TPST2: variants seen among roughly 807,000 people sequenced by gnomAD.
TPST2 encodes protein-tyrosine sulfotransferase 2.
TPST2 carries 16 observed loss-of-function variants against 27.8 expected under a neutral mutation model. That is an observed-to-expected ratio of 0.58 (90% confidence interval 0.39 to 0.88). The LOEUF (loss-of-function observed/expected upper bound fraction) is 0.88, where lower values mean the gene tolerates loss of function less well. Ranked by LOEUF, TPST2 falls within the 40% of genes least tolerant of loss-of-function variation. The pLI is 0.00. For synonymous variants in TPST2, 229 were observed against 231.7 expected, an observed-to-expected ratio of 0.99 and a Z score of 0.10; for missense variants, 464 against 543.1, an observed-to-expected ratio of 0.85 and a Z score of 1.45.
At chr22:26,551,013 G>A (rs767586820) in intron 1 of TPST2, among the ~76,000 whole-genome samples, 14 of 152,352 alleles carry the variant, frequency 9.2e-5, no homozygotes, top group African/African-American at 2.4e-4. Context: ...AGTGGCTCAC[G>A]CCAGGCATGG....
At chr22:26,587,674 T>G (rs1354041871) in intron 1 of TPST2, among the ~76,000 whole-genome samples, 1 of 152,046 alleles carries the variant, frequency 6.6e-6, no homozygotes, top group Non-Finnish European at 1.5e-5. Flanking sequence ...TCAAAGCCAG[T>G]GATTTCAAGG....
In TPST2 at chr22:26,541,121, C is replaced by A. The variant is rs5761587; in HGVS notation, c.510G>T (p.Ser170=). The A allele has an allele frequency of 0.084, 135,302 of 1,607,462 alleles. 6,393 individuals carry two copies. Among genetic ancestry groups the A allele is most frequent in the Non-Finnish European group, 0.096 (112,792 of 1,175,340 alleles). ...GGAACTTGGAGTTGGGGAACAGGCG[C>A]GACAGGTAGACCGAGGACTTGAGCG... The part of the protein sequence containing the change: ...PFTLKSSVYL[S]RLFPNSKFLL... The change falls in exon 3 of 7, where the codon TCG becomes TCT. Residue 170 remains serine, a synonymous_variant. Transcript: ENST00000338754. The surrounding 1 kb of genome is among the most constrained non-coding windows in gnomAD (Gnocchi z 5.9).
chr22:26,563,869 C>T (rs780377279), intron 1 of TPST2, among the ~76,000 whole-genome samples: 1 of 152,174 alleles, frequency 6.6e-6, no homozygotes, highest in African/African-American at 2.4e-5. Context: ...GGTACTTAAC[C>T]GGCTTTTTAA....
chr22:26,529,824 C>CT (rs1019004610), intron 5 of TPST2, among the ~76,000 whole-genome samples: 4 of 151,756 alleles, frequency 2.6e-5, no homozygotes, highest in African/African-American at 7.3e-5. Context: ...AAGGCTTTCT[C>CT]TTTTTTGTAG....
chr22:26,558,716 G>T (rs1343661427), intron 1 of TPST2, among the ~76,000 whole-genome samples: 1 of 152,168 alleles, frequency 6.6e-6, no homozygotes, highest in Non-Finnish European at 1.5e-5. Context: ...GGCTTGCCTG[G>T]CAGGGCAGGA....
At chr22:26,528,851 G>A (rs1924987334) in intron 5 of TPST2, among the ~76,000 whole-genome samples, 1 of 151,970 alleles carries the variant, frequency 6.6e-6, no homozygotes. Flanking sequence ...GTGTGGTGGC[G>A]GGCACCTGTA....
At position 26,560,605 on chromosome 22, in the gene TPST2, A is replaced by AT. The variant is rs1353650049; in HGVS notation, c.-160-15931dup. The AT allele has an allele frequency of 5.1e-5, 62 of 1,220,344 alleles. No homozygotes were observed. The Admixed American group carries it at 1.0e-3, about 21-fold the overall frequency. 75.6% of individuals were successfully genotyped at this position (1,220,344 alleles called of 1,614,324 possible). On this transcript the variant is annotated intron_variant, in intron 1 of 6. Transcript: ENST00000338754. ...TTTGGGCAAACTTGTCGGGAGGCGC[A>AT]TAAGAAGAAGCACCCAGATGCTTCA...
rs987885947 is a variant in TPST2 at position 26,523,280 on chromosome 22, AGAT to A, written c.*2992_*2994del. 3 of 152,250 alleles carry A rather than the reference AGAT, an allele frequency of 2.0e-5. No individual in the cohort carries two copies. Among genetic ancestry groups the A allele is most frequent in the Non-Finnish European group, 4.4e-5 (3 of 68,056 alleles). The allele number at this position is 152,250 out of a possible 1,614,324, so 9.4% of individuals were successfully genotyped here. A position where few individuals can be genotyped will look rare whatever the true frequency, so the allele number is the denominator to read the frequency against. On this transcript the variant is annotated 3_prime_UTR_variant, in exon 7 of 7. Coordinates refer to ENST00000338754, the MANE Select transcript of TPST2 (RefSeq NM_003595.5). ...AAATGGTTTTTTCCATACGTCTTTA[AGAT>A]GATAATATTTATATGTTCAAAAATT... is the stretch of plus-strand genomic sequence containing the variant.
At chr22:26,553,359 A>G (rs927415495) in intron 1 of TPST2, among the ~76,000 whole-genome samples, 6 of 149,066 alleles carry the variant, frequency 4.0e-5, no homozygotes, top group African/African-American at 1.2e-4. Context: ...AGGCTTGTGC[A>G]TGCCTGGCAG....
At chr22:26,570,055 GAA>G (rs1430357412) in intron 1 of TPST2, among the ~76,000 whole-genome samples, 1 of 145,490 alleles carries the variant, frequency 6.9e-6, no homozygotes, top group Non-Finnish European at 1.5e-5. Flanking sequence ...CAGAAAGAAA[GAA>G]AGAAAGAAGG....
intron 1 of TPST2, among the ~76,000 whole-genome samples, chr22:26,571,235 C>A (rs1349985714): frequency 2.0e-5 from 3 of 152,162 alleles, no homozygotes. Flanking sequence ...ACACAAGCAC[C>A]CTCCCTCCTC....
At chr22:26,560,024 G>T (rs5761602) in intron 1 of TPST2, among the ~76,000 whole-genome samples, 30,684 of 152,146 alleles carry the variant, frequency 0.2, 3,706 homozygotes, top group Non-Finnish European at 0.27. Context: ...AAGAGAAGAT[G>T]ATTTCTAGAT....
At chr22:26,539,230 G>A (rs1269216167) in intron 3 of TPST2, among the ~76,000 whole-genome samples, 5 of 152,114 alleles carry the variant, frequency 3.3e-5, no homozygotes, top group Admixed American at 2.0e-4. Flanking sequence ...ACCAGCCATG[G>A]GAAGGACCAG....
chr22:26,552,797 C>T (rs1265666041), intron 1 of TPST2, among the ~76,000 whole-genome samples: 3 of 152,236 alleles, frequency 2.0e-5, no homozygotes, highest in East Asian at 1.9e-4. Context: ...CAGTGGTTCA[C>T]GCCTATAATC....
At position 26,533,700 on chromosome 22, in the gene TPST2, G is replaced by T. The variant is rs146258811; in HGVS notation, c.1042-955C>A. On this transcript the variant is annotated intron_variant, in intron 4 of 6. Coordinates refer to ENST00000338754, the MANE Select transcript of TPST2 (RefSeq NM_003595.5). ...TTTTTTTTTTTTCTATTGAGACATG[G>T]TCTCACTCCCATAGCCCAAGCTGGA... 3.1e-4 allele frequency among the ~76,000 whole-genome samples: 47 copies of T among 151,372 alleles called. 1 individual carries two copies. In the East Asian group the frequency reaches 9.1e-3, roughly 29 times the overall value.
chr22:26,552,282 G>A (rs1464105969), intron 1 of TPST2, among the ~76,000 whole-genome samples: 1 of 152,170 alleles, frequency 6.6e-6, no homozygotes, highest in Non-Finnish European at 1.5e-5. Flanking sequence ...GATCAGGGGT[G>A]ACTTCTTCTC....
intron 1 of TPST2, among the ~76,000 whole-genome samples, chr22:26,570,814 A>C (rs1439157743): frequency 1.3e-5 from 2 of 151,640 alleles, no homozygotes; most frequent in Non-Finnish European, 2.9e-5. Context: ...CCTTGAAGGC[A>C]GCTTTGATTC....
At chr22:26,536,533 C>T (rs1188270097) in intron 3 of TPST2, 47 bp from the exon 4 acceptor site, 9 of 1,424,708 alleles carry the variant, frequency 6.3e-6, no homozygotes, top group South Asian at 3.4e-5. Context: ...ACCCAGATGG[C>T]GCCTGAGCGG....
chr22:26,525,137 G>A lies in TPST2; in HGVS notation c.*1138C>T, dbSNP rs904087460. ...TACGTGTTGTCACATATCATTGCTG[G>A]GAAAATTAAGTGTGTCTGTAAGACT... On this transcript the variant is annotated 3_prime_UTR_variant, in exon 7 of 7. Transcript: ENST00000338754. The A allele has an allele frequency of 2.0e-5, 3 of 152,184 alleles. No individual in the cohort carries two copies. Among genetic ancestry groups the A allele is most frequent in the Admixed American group, 2.0e-4 (3 of 15,280 alleles). The allele number at this position is 152,184 out of a possible 1,614,324, so 9.4% of individuals were successfully genotyped here.
Sources: gnomAD v4.1 joint callset for allele counts (sites outside exome capture counted in the v4.1 genomes callset) on GRCh38, gnomAD v4.1.1 for gene constraint, Gnocchi (gnomAD v3.1) non-coding constraint, MANE v1.5 for transcripts, NCBI Gene and HGNC (gene_info 2026-07-23, HGNC 2026-07-21) for gene names.